GALNTL6: variants seen among roughly 807,000 people sequenced by gnomAD.
GALNTL6 encodes polypeptide N-acetylgalactosaminyltransferase-like 6.
GALNTL6 carries 46 observed loss-of-function variants against 73.7 expected under a neutral mutation model. The ratio of observed to expected loss-of-function variants is 0.62; its 90% CI spans 0.49 to 0.80. The LOEUF is 0.80. Among genes scored for constraint, GALNTL6 ranks in the 30% least tolerant of loss-of-function variants. The probability of loss-of-function intolerance (pLI) is 0.00; values close to 1 mark genes in which losing one functional copy is unlikely to be tolerated. For synonymous variants in GALNTL6, 259 were observed against 263.7 expected, an observed-to-expected ratio of 0.98 and a Z score of 0.17; for missense variants, 604 against 755.0, an observed-to-expected ratio of 0.80 and a Z score of 2.34.
intron 3 of GALNTL6, among the ~76,000 whole-genome samples, chr4:172,235,841 T>C (rs1368710638): frequency 6.6e-6 from 1 of 152,058 alleles, no homozygotes; most frequent in African/African-American, 2.4e-5. Flanking sequence ...CATCTTTTTG[T>C]CCAGGTATGC....
chr4:172,126,708 T>C (rs1444423867), intron 2 of GALNTL6, among the ~76,000 whole-genome samples: 1 of 151,928 alleles, frequency 6.6e-6, no homozygotes. Flanking sequence ...AAGGCATTGC[T>C]CAAGAGAGGG....
rs1017155521 is a variant in GALNTL6, at chr4:172,430,129, T to A, written c.553+81440T>A. 2.4e-3 allele frequency among the ~76,000 whole-genome samples: 364 copies of A among 152,078 alleles called. 1 individual carries two copies. Among genetic ancestry groups the A allele is most frequent in the African/African-American group, 8.3e-3 (343 of 41,494 alleles). ...TGTGAAGTGAAACGGAGAGAAAATA[T>A]TAAAGCTAGTTGACCATAAAAGTTA... On this transcript the variant is annotated intron_variant, in intron 5 of 12. Coordinates refer to ENST00000506823, the MANE Select transcript of GALNTL6 (RefSeq NM_001034845.3).
intron 2 of GALNTL6, among the ~76,000 whole-genome samples, chr4:171,893,553 A>G (rs1736820365): frequency 6.6e-6 from 1 of 152,180 alleles, no homozygotes; most frequent in South Asian, 2.1e-4. Flanking sequence ...TAGAAAATAG[A>G]AAATGCCCAA....
intron 5 of GALNTL6, among the ~76,000 whole-genome samples, chr4:172,554,539 A>AT (rs781189967): frequency 1.3e-5 from 2 of 152,190 alleles, no homozygotes; most frequent in Non-Finnish European, 2.9e-5. Flanking sequence ...ATACTCAAGA[A>AT]AAGAGACAGA....
At position 172,679,009 on chromosome 4, in the gene GALNTL6, G is replaced by A. The variant is rs185178056; in HGVS notation, c.554-130352G>A. On this transcript the variant is annotated intron_variant, in intron 5 of 12. Transcript: ENST00000506823. Reference sequence around the variant, plus strand: ...AGCCATGAACAATATAAAATGAATGGGCATGGCTGTGTTCCAATTAAACTC... The same window carrying A: ...AGCCATGAACAATATAAAATGAATGAGCATGGCTGTGTTCCAATTAAACTC... Among the ~76,000 whole-genome samples the A allele has an allele frequency of 1.9e-3, 289 of 152,132 alleles. 2 individuals carry two copies. The highest frequency in any genetic ancestry group is 6.7e-3 in the African/African-American group (279 of 41,484).
intron 5 of GALNTL6, among the ~76,000 whole-genome samples, chr4:172,414,833 T>A (rs1744568474): frequency 6.6e-6 from 1 of 152,222 alleles, no homozygotes; most frequent in Admixed American, 6.5e-5. Flanking sequence ...GGTTTTGTTG[T>A]TGTTGTTGCT....
chr4:172,027,940 T>C (rs1274662215), intron 2 of GALNTL6, among the ~76,000 whole-genome samples: 1 of 152,064 alleles, frequency 6.6e-6, no homozygotes, highest in African/African-American at 2.4e-5. Context: ...TCATTAAATT[T>C]AAGGAATAAG....
chr4:172,267,153 A>G (rs1738476128), intron 3 of GALNTL6, among the ~76,000 whole-genome samples: 1 of 152,126 alleles, frequency 6.6e-6, no homozygotes, highest in Non-Finnish European at 1.5e-5. Flanking sequence ...AACATGGATG[A>G]GAAATTGACC....
chr4:172,529,025 A>C (rs1735081373), intron 5 of GALNTL6, among the ~76,000 whole-genome samples: 1 of 138,780 alleles, frequency 7.2e-6, no homozygotes, highest in Admixed American at 7.6e-5. Context: ...ACACACACAT[A>C]TATATATATA....
At chr4:172,238,172 A>G (rs1737302403) in intron 3 of GALNTL6, among the ~76,000 whole-genome samples, 1 of 152,148 alleles carries the variant, frequency 6.6e-6, no homozygotes, top group Non-Finnish European at 1.5e-5. Flanking sequence ...ATAGCATTGA[A>G]TCTGTAAACT....
intron 7 of GALNTL6, among the ~76,000 whole-genome samples, chr4:172,843,722 TCCTTGAAGTGACC>T (rs1419414963): frequency 6.6e-6 from 1 of 152,170 alleles, no homozygotes; most frequent in East Asian, 1.9e-4. Flanking sequence ...ATGACAGATG[TCCTTGAAGTGACC>T]CCTCATGACA....
At chr4:172,670,401 A>G (rs947317227) in intron 5 of GALNTL6, among the ~76,000 whole-genome samples, 1 of 152,056 alleles carries the variant, frequency 6.6e-6, no homozygotes, top group African/African-American at 2.4e-5. Flanking sequence ...TCTAATGATC[A>G]GTAATATTGA....
At chr4:172,615,455 C>G (rs1011841939) in intron 5 of GALNTL6, among the ~76,000 whole-genome samples, 1 of 152,060 alleles carries the variant, frequency 6.6e-6, no homozygotes, top group Non-Finnish European at 1.5e-5. Context: ...CAAAATGAGA[C>G]CATACTTTGT....
intron 10 of GALNTL6, among the ~76,000 whole-genome samples, chr4:172,961,296 G>T (rs1750039852): frequency 6.7e-6 from 1 of 150,076 alleles, no homozygotes; most frequent in Admixed American, 6.6e-5. Context: ...GAGAAGGGGT[G>T]GGGGGTGCTT....
chr4:172,807,351 C>T (rs1244957777), intron 5 of GALNTL6, among the ~76,000 whole-genome samples: 1 of 152,232 alleles, frequency 6.6e-6, no homozygotes, highest in Non-Finnish European at 1.5e-5. Flanking sequence ...TTATCAAAAT[C>T]TCACCAGGCA....
chr4:172,465,480 A>C (rs1421187562), intron 5 of GALNTL6, among the ~76,000 whole-genome samples: 1 of 152,034 alleles, frequency 6.6e-6, no homozygotes, highest in Non-Finnish European at 1.5e-5. Flanking sequence ...CCGTCTCAAA[A>C]AAAGAAAAAA....
At chr4:172,317,819 C>T (rs1296345372) in intron 4 of GALNTL6, among the ~76,000 whole-genome samples, 5 of 151,982 alleles carry the variant, frequency 3.3e-5, no homozygotes, top group Admixed American at 3.3e-4. Context: ...TAGTTGATTG[C>T]CTTTTCCATT....
intron 3 of GALNTL6, among the ~76,000 whole-genome samples, chr4:172,295,249 C>G (rs1739625532): frequency 1.3e-5 from 2 of 151,922 alleles, no homozygotes; most frequent in African/African-American, 2.4e-5. Context: ...TGGCAAAACT[C>G]TTTCTACTAA....
rs112254338 is a variant in GALNTL6, at chr4:171,864,694, C to T, written c.138+49976C>T. ...TATTTAATAACACTTCCCCCACAGTCCACCTTCTAGTTTCTTACCTGCAAG... is the reference window on the plus strand; with the variant it reads ...TATTTAATAACACTTCCCCCACAGTTCACCTTCTAGTTTCTTACCTGCAAG... On this transcript the variant is annotated intron_variant, in intron 2 of 12. Transcript: ENST00000506823. 7.9e-3 allele frequency among the ~76,000 whole-genome samples: 1,205 copies of T among 152,280 alleles called. 23 individuals carry two copies. The highest frequency in any genetic ancestry group is 0.028 in the African/African-American group (1,147 of 41,556).
Sources: gnomAD v4.1 joint callset for allele counts (sites outside exome capture counted in the v4.1 genomes callset) on GRCh38, gnomAD v4.1.1 for gene constraint, MANE v1.5 for transcripts, NCBI Gene and HGNC (gene_info 2026-07-23, HGNC 2026-07-21) for gene names.